FSAF1: variants seen among roughly 807,000 people sequenced by gnomAD.
FSAF1 encodes the protein 40S small subunit processome assembly factor 1, also known as uncharacterized protein C1orf131.
At chr1:231,230,659 C>T in the FSAF1 span, among the ~76,000 whole-genome samples, 1 of 152,200 alleles carries the variant, frequency 6.6e-6, no homozygotes, top group African/African-American at 2.4e-5. Context: ...AGCTGTGCTT[C>T]TGCTTAGCCT....
chr1:231,230,564 C>T, the FSAF1 span, among the ~76,000 whole-genome samples: 1 of 152,194 alleles, frequency 6.6e-6, no homozygotes, highest in African/African-American at 2.4e-5. Flanking sequence ...CCATTGACCA[C>T]CAATGGTGGT....
At chr1:231,232,154 A>C in the FSAF1 span, among the ~76,000 whole-genome samples, 1 of 152,172 alleles carries the variant, frequency 6.6e-6, no homozygotes. Context: ...ACTTCAGTAC[A>C]TTATTCATAA....
chr1:231,238,756 G>A, the FSAF1 span: 2 of 1,191,506 alleles, frequency 1.7e-6, no homozygotes, highest in Non-Finnish European at 2.3e-6. Context: ...CTGCAGGCCT[G>A]AGGATAGTCA....
chr1:231,228,967 C>T, the FSAF1 span, among the ~76,000 whole-genome samples: 1 of 152,170 alleles, frequency 6.6e-6, no homozygotes, highest in African/African-American at 2.4e-5. Context: ...CAAGCCTGGG[C>T]AACAAGAGTG....
the FSAF1 span, chr1:231,225,614 G>C: frequency 8.9e-7 from 1 of 1,124,108 alleles, no homozygotes; most frequent in Non-Finnish European, 1.4e-6. Context: ...AAGTCATTGA[G>C]ATACCATTTT....
the FSAF1 span, chr1:231,224,265 T>C: frequency 6.2e-7 from 1 of 1,604,736 alleles, no homozygotes; most frequent in Non-Finnish European, 8.5e-7. Flanking sequence ...CCTCGTTTTA[T>C]TTGACAAAGT....
At chr1:231,229,446 T>G in the FSAF1 span, among the ~76,000 whole-genome samples, 1 of 152,160 alleles carries the variant, frequency 6.6e-6, no homozygotes, top group African/African-American at 2.4e-5. Context: ...GGAAAACAAT[T>G]ATGATGGTCC....
the FSAF1 span, chr1:231,224,431 A>T: frequency 6.3e-7 from 1 of 1,598,242 alleles, no homozygotes; most frequent in African/African-American, 1.4e-5. Context: ...TTAAAGTAAG[A>T]GAAAGGTACT....
chr1:231,240,938 C>T, the FSAF1 span: 1 of 1,217,302 alleles, frequency 8.2e-7, no homozygotes, highest in Non-Finnish European at 1.2e-6. This position sits in a 1 kb window ranked among gnomAD's most constrained non-coding sequence, Gnocchi z 4.1. Flanking sequence ...AGCCTCAAAG[C>T]AGAGGCCAAC....
the FSAF1 span, among the ~76,000 whole-genome samples, chr1:231,239,759 C>T: frequency 2.6e-5 from 4 of 152,300 alleles, no homozygotes; most frequent in African/African-American, 9.6e-5. Flanking sequence ...TACCACAGAG[C>T]TCTCTAAATT....
At chr1:231,229,554 C>T in the FSAF1 span, among the ~76,000 whole-genome samples, 16 of 152,318 alleles carry the variant, frequency 1.1e-4, no homozygotes, top group African/African-American at 3.8e-4. Flanking sequence ...CACCTACGTT[C>T]ATAGCAGCAT....
chr1:231,226,949 T>C, the FSAF1 span: 2 of 1,613,500 alleles, frequency 1.2e-6, no homozygotes, highest in South Asian at 1.1e-5. Context: ...TGTCTAGTGA[T>C]GAAAGGTAGC....
chr1:231,232,222 T>G, the FSAF1 span, among the ~76,000 whole-genome samples: 2 of 152,154 alleles, frequency 1.3e-5, no homozygotes, highest in African/African-American at 4.8e-5. Flanking sequence ...CCCCCCATAT[T>G]CTCTGCAGTA....
At chr1:231,228,462 G>A in the FSAF1 span, among the ~76,000 whole-genome samples, 1 of 152,152 alleles carries the variant, frequency 6.6e-6, no homozygotes, top group South Asian at 2.1e-4. Context: ...AGCTGGGTGT[G>A]GTGGCACACG....
the FSAF1 span, among the ~76,000 whole-genome samples, chr1:231,240,650 A>C: frequency 9.1e-4 from 138 of 152,220 alleles, no homozygotes; most frequent in African/African-American, 3.0e-3. The surrounding 1 kb of genome is among the most constrained non-coding windows in gnomAD (Gnocchi z 4.1). Flanking sequence ...CCCAGAGCGA[A>C]ATGACACCAT....
the FSAF1 span, chr1:231,225,441 T>C: frequency 6.2e-7 from 1 of 1,605,432 alleles, no homozygotes; most frequent in East Asian, 2.2e-5. Context: ...TCCAGATTGT[T>C]CAACCCCAGG....
At chr1:231,224,972 T>C in the FSAF1 span, 2 of 168,116 alleles carry the variant, frequency 1.2e-5, no homozygotes, top group African/African-American at 4.8e-5. Flanking sequence ...TTACAGCATG[T>C]ACAAGTGCAC....
the FSAF1 span, among the ~76,000 whole-genome samples, chr1:231,230,574 T>C: frequency 6.6e-6 from 1 of 152,156 alleles, no homozygotes; most frequent in African/African-American, 2.4e-5. Flanking sequence ...CCAATGGTGG[T>C]AGTCCACCCT....
the FSAF1 span, chr1:231,225,092 CA>C: frequency 4.6e-6 from 1 of 217,122 alleles, no homozygotes; most frequent in Non-Finnish European, 9.1e-6. Flanking sequence ...TATAAAGCAA[CA>C]AAGTCAACAT....
Sources: gnomAD v4.1 joint callset for allele counts (sites outside exome capture counted in the v4.1 genomes callset) on GRCh38, gnomAD v4.1.1 for gene constraint, Gnocchi (gnomAD v3.1) non-coding constraint, MANE v1.5 for transcripts, NCBI Gene and HGNC (gene_info 2026-07-23, HGNC 2026-07-21) for gene names.